The following VWF variants were observed in gnomAD, a reference collection of about 807,000 sequenced individuals.
VWF encodes the protein Factor VIII related antigen.
VWF carries 176 observed loss-of-function variants against 308.6 expected under a neutral mutation model. That is an observed-to-expected ratio of 0.57 (90% CI 0.50 to 0.65). The LOEUF (loss-of-function observed/expected upper bound fraction) is 0.65, where lower values mean the gene tolerates loss of function less well. VWF is among the 30% of genes least tolerant of loss of function. The probability of loss-of-function intolerance (pLI) is 0.00; values close to 1 mark genes in which losing one functional copy is unlikely to be tolerated. For missense variants in VWF, 3,146 were observed against 3,648.2 expected (o/e 0.86, Z 3.55); for synonymous variants, 1,385 against 1,443.4 (o/e 0.96, Z 0.92).
In VWF at chr12:6,075,520, C is replaced by T. The variant is rs1296175184; in HGVS notation, c.689G>A (p.Ser230Asn). The change falls in exon 7 of 52, where the codon AGC (serine) becomes AAC (asparagine). Residue 230 changes from serine to asparagine, a missense_variant. Physicochemically the swap from Ser to Asn is conservative, Grantham distance 46. Transcript: ENST00000261405. This position sits in a 1 kb window ranked among gnomAD's most constrained non-coding sequence, Gnocchi z 4.7. ...GLWEQCQLLK[S>N]TSVFARCHPL... ...GTGGCAGCGGGCAAACACCGAGGTGCTCTTCAGAAGCTGGCACTGCTCCCA... is the reference window on the plus strand; with the variant it reads ...GTGGCAGCGGGCAAACACCGAGGTGTTCTTCAGAAGCTGGCACTGCTCCCA... 1 of 1,614,174 alleles carries T rather than the reference C, an allele frequency of 6.2e-7. No individual in the cohort carries two copies. The highest frequency in any genetic ancestry group is 1.1e-5 in the South Asian group (1 of 91,076).
At chr12:6,083,124 G>A (rs182229252) in intron 6 of VWF, among the ~76,000 whole-genome samples, 112 of 152,242 alleles carry the variant, frequency 7.4e-4, no homozygotes, top group African/African-American at 2.6e-3. Context: ...CTTTCAAAGC[G>A]TGTGACTTTA....
intron 6 of VWF, among the ~76,000 whole-genome samples, chr12:6,094,467 G>A (rs570367391): frequency 6.6e-6 from 1 of 152,204 alleles, no homozygotes; most frequent in African/African-American, 2.4e-5. Flanking sequence ...ACACCTAGCA[G>A]GTGATGATGG....
At position 5,969,203 on chromosome 12, in the gene VWF, T is replaced by C. The variant is rs775123891; in HGVS notation, c.7729+8A>G. ...CGGTCCAGCCCAGCCCCAGCCTGCATGCCTTACCACAGCGACAGCTTGGGC... is the reference window on the plus strand; with the variant it reads ...CGGTCCAGCCCAGCCCCAGCCTGCACGCCTTACCACAGCGACAGCTTGGGC... On this transcript the variant is annotated splice_region_variant and intron_variant, in intron 45 of 51. Coordinates refer to ENST00000261405, the MANE Select transcript of VWF (RefSeq NM_000552.5). 2.5e-6 allele frequency: 4 copies of C among 1,610,754 alleles called. No individual in the cohort carries two copies. Among genetic ancestry groups the C allele is most frequent in the Non-Finnish European group, 3.4e-6 (4 of 1,178,408 alleles).
chr12:6,015,892 C>A (rs1478548658), intron 31 of VWF, among the ~76,000 whole-genome samples, 197 bp downstream of exon 31: 1 of 152,188 alleles, frequency 6.6e-6, no homozygotes, highest in Non-Finnish European at 1.5e-5. Flanking sequence ...AGGATCAATA[C>A]ACACTTTTTA....
rs1230831714 is a variant in VWF, at chr12:6,108,330, T to TACAC, written c.532+2043_532+2044insGTGT. ...AAAAAGAAAGAAAGAAAGAAAGAAA[T>TACAC]ATATACACACACACACACACACACA... On this transcript the variant is annotated intron_variant, in intron 5 of 51. Coordinates refer to ENST00000261405, the MANE Select transcript of VWF (RefSeq NM_000552.5). Among the ~76,000 whole-genome samples, 410 of 50,440 alleles carry TACAC rather than the reference T, an allele frequency of 8.1e-3. 3 individuals carry two copies. The highest frequency in any genetic ancestry group is 0.02 in the African/African-American group (380 of 18,616). The allele number at this position is 50,440 out of a possible 152,430, so 33.1% of individuals were successfully genotyped here.
intron 50 of VWF, among the ~76,000 whole-genome samples, chr12:5,951,353 CT>C (rs908978241): frequency 6.6e-6 from 1 of 152,106 alleles, no homozygotes; most frequent in African/African-American, 2.4e-5. Flanking sequence ...CACATGTGGG[CT>C]GTTGTCAGCC....
intron 9 of VWF, 144 bp from the exon 10 acceptor site, chr12:6,071,487 T>C (rs950809786): frequency 5.4e-6 from 5 of 928,032 alleles, no homozygotes; most frequent in African/African-American, 3.2e-5. Context: ...AGAATCTTCA[T>C]AGGGTTAAAA....
At chr12:6,074,894 G>C (rs999457499) in intron 7 of VWF, among the ~76,000 whole-genome samples, 1 of 152,198 alleles carries the variant, frequency 6.6e-6, no homozygotes, top group Admixed American at 6.5e-5. Context: ...TAATAAAAGA[G>C]AAGAACTTAA....
chr12:5,995,076 A>T lies in VWF; in HGVS notation c.6064-469T>A, dbSNP rs114320993. Among the ~76,000 whole-genome samples the T allele has an allele frequency of 7.1e-3, 1,084 of 152,162 alleles. 19 individuals carry two copies. Among genetic ancestry groups the T allele is most frequent in the African/African-American group, 0.024 (1,011 of 41,478 alleles). Reference sequence around the variant, plus strand: ...TATGCCCAGACCTTTTTTTTAGCTCATCAGCTATCGTTAGTGTTAATGCAT... The same window carrying T: ...TATGCCCAGACCTTTTTTTTAGCTCTTCAGCTATCGTTAGTGTTAATGCAT... On this transcript the variant is annotated intron_variant, in intron 35 of 51. Transcript: ENST00000261405.
In VWF at chr12:6,121,279, C is replaced by T. The variant is rs1397778191; in HGVS notation, c.115G>A (p.Gly39Arg). The T allele has an allele frequency of 8.7e-6, 14 of 1,614,070 alleles. No homozygotes were observed. Among genetic ancestry groups the T allele is most frequent in the African/African-American group, 1.3e-5 (1 of 74,934 alleles). ...RSSTARCSLF[G>R]SDFVNTFDGS... ...TCAAAGGTGTTGACGAAGTCACTTC[C>T]GAAAAGGCTGCATCGGGCCGTGGAT... The change falls in exon 3 of 52, where the codon GGA becomes AGA. Residue 39 changes from glycine to arginine, a missense_variant. By Grantham distance (125) the Gly-to-Arg change is moderately radical. Around this residue, in one of 3 missense-constraint regions of VWF, gnomAD observed 1,304 missense variants for 1,353.0 expected, o/e 0.96. Transcript: ENST00000261405.
chr12:6,114,530 T>G (rs571262275), intron 3 of VWF, among the ~76,000 whole-genome samples: 116 of 152,256 alleles, frequency 7.6e-4, no homozygotes, highest in Admixed American at 2.2e-3. Flanking sequence ...CCAGCCCTCC[T>G]AGAGTAAATA....
In VWF at chr12:6,046,805, A is replaced by G. The variant is rs200848454; in HGVS notation, c.2199T>C (p.Asp733=). 6 of 1,614,064 alleles carry G rather than the reference A, an allele frequency of 3.7e-6. No homozygotes were observed. The highest frequency in any genetic ancestry group is 5.1e-6 in the Non-Finnish European group (6 of 1,180,016). Residue 733 remains aspartate (D), a synonymous_variant, in exon 17 of 52, where the codon GAT becomes GAC. Transcript: ENST00000261405. The surrounding 1 kb of genome is among the most constrained non-coding windows in gnomAD (Gnocchi z 5.0). The part of the protein sequence containing the change: ...SDHHTMCYCE[D]GFMHCTMSGV... Reference sequence around the variant, plus strand: ...CACTCATGGTACAGTGCATGAAGCCATCCTCACAGTAGCTGCAGAGAAGAA... The same window carrying G: ...CACTCATGGTACAGTGCATGAAGCCGTCCTCACAGTAGCTGCAGAGAAGAA...
In VWF at chr12:5,951,794, G is replaced by A. The variant is rs2270151; in HGVS notation, c.8155+50C>T. 235,695 of 1,602,898 alleles carry A rather than the reference G, an allele frequency of 0.15. 18,326 individuals are homozygous for A. Among genetic ancestry groups the A allele is most frequent in the East Asian group, 0.17 (7,598 of 44,818 alleles). ...AAGGAGCAAGCTGCAAAGAGCCCCT[G>A]GACTTGCTCTGATGGGTTTCAAGGG... On this transcript the variant is annotated intron_variant, in intron 50 of 51. Transcript: ENST00000261405.
chr12:5,985,765 C>G, intron 38 of VWF, 100 bp from the exon 39 acceptor site: 1 of 1,125,426 alleles, frequency 8.9e-7, no homozygotes, highest in Non-Finnish European at 1.3e-6. Context: ...AAGGGCCAGT[C>G]CCTGACCCAG....
At chr12:5,952,563 T>A in intron 48 of VWF, 44 bp from the exon 49 acceptor site, 2 of 1,606,366 alleles carry the variant, frequency 1.2e-6, no homozygotes, top group Admixed American at 3.4e-5. Context: ...CAGTGTTTGG[T>A]TCACAAAGCC....
At chr12:6,059,271 C>T (rs148645553) in intron 13 of VWF, among the ~76,000 whole-genome samples, 5 of 152,234 alleles carry the variant, frequency 3.3e-5, no homozygotes, top group African/African-American at 9.6e-5. Flanking sequence ...GCTTTATTTC[C>T]CCCAGGATCT....
At chr12:5,988,711 T>C (rs923457873) in intron 38 of VWF, among the ~76,000 whole-genome samples, 2 of 152,164 alleles carry the variant, frequency 1.3e-5, no homozygotes, top group South Asian at 4.1e-4. Flanking sequence ...GCAACCGTAG[T>C]GGCTCTCCAG....
chr12:5,961,889 A>C (rs1943321910), intron 47 of VWF, among the ~76,000 whole-genome samples: 1 of 151,988 alleles, frequency 6.6e-6, no homozygotes, highest in African/African-American at 2.4e-5. Flanking sequence ...CCAACTGATG[A>C]TATTAAGAGA....
In VWF at chr12:6,023,876, A is replaced by G. The variant is rs148081285; in HGVS notation, c.3223-89T>C. On this transcript the variant is annotated intron_variant, in intron 24 of 51. Coordinates refer to ENST00000261405, the MANE Select transcript of VWF (RefSeq NM_000552.5). Reference sequence around the variant, plus strand: ...CTGGGTGCAAATGTTCTGATGGTCAATTTAAGGATAAGGGGGTCCAGGTAG... The same window carrying G: ...CTGGGTGCAAATGTTCTGATGGTCAGTTTAAGGATAAGGGGGTCCAGGTAG... 2,081 of 1,483,974 alleles carry G rather than the reference A, an allele frequency of 1.4e-3. 26 individuals carry two copies. In the African/African-American group the frequency reaches 0.025, roughly 18 times the overall value. The allele number at this position is 1,483,974 out of a possible 1,614,324, so 91.9% of individuals were successfully genotyped here. A position where few individuals can be genotyped will look rare whatever the true frequency, so the allele number is the denominator to read the frequency against.
Sources: gnomAD v4.1 joint callset for allele counts (sites outside exome capture counted in the v4.1 genomes callset) on GRCh38, gnomAD v4.1.1 for gene constraint, gnomAD v4.1.1 regional missense constraint, Gnocchi (gnomAD v3.1) non-coding constraint, MANE v1.5 for transcripts, NCBI Gene and HGNC (gene_info 2026-07-23, HGNC 2026-07-21) for gene names.